Variants in B3GALT1 observed in about 807,000 individuals in gnomAD.
The protein encoded by B3GALT1 is UDP-Gal:betaGlcNAc beta 1,3-galactosyltransferase, polypeptide 1.
A neutral mutation model predicts 23.2 loss-of-function variants in B3GALT1; 10 were observed. That is an observed-to-expected ratio of 0.43 (90% CI 0.27 to 0.73). The LOEUF is 0.73. B3GALT1 is among the 30% of genes least tolerant of loss of function. B3GALT1 has a pLI of 0.21. For missense variants in B3GALT1, 299 were observed against 405.4 expected, an observed-to-expected ratio of 0.74 and a Z score of 2.25; for synonymous variants, 156 against 141.5, an observed-to-expected ratio of 1.10 and a Z score of -0.73.
intron 3 of B3GALT1, among the ~76,000 whole-genome samples, chr2:167,765,554 A>G (rs150696221): frequency 4.1e-4 from 62 of 152,324 alleles, no homozygotes; most frequent in African/African-American, 1.2e-3. Flanking sequence ...TTTCTAAACA[A>G]TTGGGTTTAT....
intron 1 of B3GALT1, among the ~76,000 whole-genome samples, chr2:167,466,498 C>T (rs868146600): frequency 2.7e-5 from 4 of 149,570 alleles, no homozygotes; most frequent in Admixed American, 1.3e-4. Context: ...CACATGCCTG[C>T]AATCCCAGCT....
chr2:167,427,621 C>A (rs1027147977), intron 1 of B3GALT1, among the ~76,000 whole-genome samples: 3 of 152,156 alleles, frequency 2.0e-5, no homozygotes, highest in African/African-American at 7.2e-5. Flanking sequence ...ACTGCAGCCT[C>A]GAATCCCTGT....
chr2:167,817,434 G>A (rs1263498599), intron 3 of B3GALT1, among the ~76,000 whole-genome samples: 1 of 152,132 alleles, frequency 6.6e-6, no homozygotes. Context: ...GACAACTCTA[G>A]GATTCAGGTA....
rs1050485091 is a variant in B3GALT1, at chr2:167,873,482, C to G, written c.*3462C>G. 14 of 152,124 alleles carry G rather than the reference C, an allele frequency of 9.2e-5. No individual in the cohort carries two copies. The highest frequency in any genetic ancestry group is 3.4e-4 in the African/African-American group (14 of 41,428). 9.4% of individuals were successfully genotyped at this position (152,124 alleles called of 1,614,324 possible). The stretch of plus-strand genomic sequence containing the variant: ...AGGAAGAAGTTTTTCGATCAAATCT[C>G]TTCTATCAAAAGACAATGGAATATT... On this transcript the variant is annotated 3_prime_UTR_variant, in exon 5 of 5. Coordinates refer to ENST00000392690, the MANE Select transcript of B3GALT1 (RefSeq NM_020981.4).
intron 1 of B3GALT1, among the ~76,000 whole-genome samples, chr2:167,373,155 A>T (rs1326094761): frequency 6.6e-6 from 1 of 152,140 alleles, no homozygotes; most frequent in Non-Finnish European, 1.5e-5. Flanking sequence ...GTTTCAAAGC[A>T]ATTGGATAAG....
At chr2:167,591,633 C>T (rs1178621046) in intron 2 of B3GALT1, among the ~76,000 whole-genome samples, 4 of 152,058 alleles carry the variant, frequency 2.6e-5, no homozygotes, top group African/African-American at 9.7e-5. Context: ...CCAAAATACA[C>T]TGCTAATTTT....
At chr2:167,653,163 T>C (rs1685895674) in intron 3 of B3GALT1, among the ~76,000 whole-genome samples, 1 of 152,178 alleles carries the variant, frequency 6.6e-6, no homozygotes, top group African/African-American at 2.4e-5. Context: ...CTTCTGTGCT[T>C]CAAAAATAAA....
chr2:167,794,539 CT>C (rs1688509003), intron 3 of B3GALT1, among the ~76,000 whole-genome samples: 2 of 152,198 alleles, frequency 1.3e-5, no homozygotes, highest in Admixed American at 1.3e-4. Context: ...AGAATCCTGA[CT>C]CCTCCCTAGC....
intron 1 of B3GALT1, among the ~76,000 whole-genome samples, chr2:167,467,675 TTTTG>T (rs1284439914): frequency 6.6e-6 from 1 of 152,188 alleles, no homozygotes; most frequent in East Asian, 1.9e-4. Flanking sequence ...AGAATTTGTA[TTTTG>T]TTTGTCAAAA....
At chr2:167,586,588 C>T (rs927659815) in intron 2 of B3GALT1, among the ~76,000 whole-genome samples, 1 of 152,168 alleles carries the variant, frequency 6.6e-6, no homozygotes, top group African/African-American at 2.4e-5. Flanking sequence ...TGTGAGCTAC[C>T]ACGCCAGGCC....
intron 3 of B3GALT1, among the ~76,000 whole-genome samples, chr2:167,665,975 T>C (rs895956184): frequency 3.0e-4 from 46 of 152,224 alleles, no homozygotes; most frequent in Admixed American, 6.5e-5. Flanking sequence ...AGTTCTGCTC[T>C]GATTTTAGTT....
intron 1 of B3GALT1, among the ~76,000 whole-genome samples, chr2:167,300,439 A>G (rs988992391): frequency 6.6e-6 from 1 of 152,340 alleles, no homozygotes. Context: ...TTGTTGTAAA[A>G]TGTACAGATA....
At chr2:167,656,682 T>TA (rs1685960576) in intron 3 of B3GALT1, among the ~76,000 whole-genome samples, 1 of 152,196 alleles carries the variant, frequency 6.6e-6, no homozygotes, top group African/African-American at 2.4e-5. Flanking sequence ...AGTTGTGACT[T>TA]ACACTGGATT....
At chr2:167,707,626 A>G (rs1037874759) in intron 3 of B3GALT1, among the ~76,000 whole-genome samples, 1 of 151,780 alleles carries the variant, frequency 6.6e-6, no homozygotes, top group African/African-American at 2.4e-5. Flanking sequence ...TCTGCCTCTC[A>G]CTTCCACTTT....
intron 1 of B3GALT1, among the ~76,000 whole-genome samples, chr2:167,413,939 C>A (rs1415923563): frequency 1.3e-5 from 2 of 151,886 alleles, no homozygotes; most frequent in African/African-American, 4.8e-5. Flanking sequence ...TACTAAAGAG[C>A]TATGTTGAGT....
intron 3 of B3GALT1, among the ~76,000 whole-genome samples, chr2:167,817,332 G>A (rs571657862): frequency 6.6e-6 from 1 of 152,168 alleles, no homozygotes; most frequent in Non-Finnish European, 1.5e-5. Context: ...AGTAAATGTG[G>A]GTAGTTGTTA....
intron 4 of B3GALT1, among the ~76,000 whole-genome samples, chr2:167,842,840 T>C (rs1163819236): frequency 1.3e-5 from 2 of 152,122 alleles, no homozygotes; most frequent in African/African-American, 4.8e-5. Context: ...GCCACTGTAT[T>C]CCAGCCTGCA....
intron 2 of B3GALT1, among the ~76,000 whole-genome samples, chr2:167,493,986 G>T (rs192685918): frequency 1.3e-5 from 2 of 152,076 alleles, no homozygotes; most frequent in East Asian, 1.9e-4. Context: ...CTTCAGTGTG[G>T]TTTATGTTAG....
At chr2:167,529,818 C>G (rs1264541308) in intron 2 of B3GALT1, among the ~76,000 whole-genome samples, 6 of 151,920 alleles carry the variant, frequency 3.9e-5, no homozygotes, top group African/African-American at 1.4e-4. Flanking sequence ...CATTTCTCAC[C>G]TGAATTATTT....
Sources: gnomAD v4.1 joint callset for allele counts (sites outside exome capture counted in the v4.1 genomes callset) on GRCh38, gnomAD v4.1.1 for gene constraint, MANE v1.5 for transcripts, NCBI Gene and HGNC (gene_info 2026-07-23, HGNC 2026-07-21) for gene names.